MYL5: variants seen among roughly 807,000 people sequenced by gnomAD.
MYL5 encodes myosin regulatory light chain 5.
A neutral mutation model predicts 20.8 loss-of-function variants in MYL5; 28 were observed. That is an observed-to-expected ratio of 1.35 (90% CI 1.00 to 1.84). The LOEUF (loss-of-function observed/expected upper bound fraction) is 1.84, where lower values mean the gene tolerates loss of function less well. Ranked by LOEUF, MYL5 falls within the 40% of genes most tolerant of loss-of-function variation. The pLI is 0.00. For synonymous variants in MYL5, 118 were observed against 87.4 expected (o/e 1.35, Z -1.95); for missense variants, 274 against 227.3 (o/e 1.21, Z -1.32).
At chr4:681,597 GCCGCC>G (rs1252447237) in intron 6 of MYL5, among the ~76,000 whole-genome samples, 2 of 109,258 alleles carry the variant, frequency 1.8e-5, no homozygotes, top group African/African-American at 7.1e-5. Context: ...TGCAGCCGCC[GCCGCC>G]CCGCCCCCTC....
chr4:680,729 C>G, intron 5 of MYL5, 142 bp downstream of exon 7: 1 of 849,088 alleles, frequency 1.2e-6, no homozygotes, highest in Non-Finnish European at 1.8e-6. Context: ...GGAGCGAACC[C>G]AGGATCCCAG....
chr4:678,389 G>T (rs570902142), intron 1 of MYL5: 3 of 1,413,704 alleles, frequency 2.1e-6, no homozygotes, highest in African/African-American at 2.9e-5. Flanking sequence ...CTGCTGGACG[G>T]CGATCCCTGA....
In MYL5 at chr4:681,149, C is replaced by G; in HGVS notation, c.420+9C>G. The G allele has an allele frequency of 6.2e-7, 1 of 1,602,130 alleles. No homozygotes were observed. On this transcript the variant is annotated intron_variant, in intron 6 of 6. Transcript: ENST00000400159. ...AGATGACGGCGGAAGAGGTCTGGCC[C>G]GCGGCTTCCCTGCCAAGCCCACGAG... is the stretch of plus-strand genomic sequence containing the variant.
In MYL5 at chr4:679,542, AGG is replaced by A. The variant is rs1462043217; in HGVS notation, c.188-370_188-369del. On this transcript the variant is annotated intron_variant, in intron 3 of 6. Coordinates refer to ENST00000400159, the Ensembl canonical transcript of MYL5. ...GCAGCTGCCTCTGACCTGAGGCAGG[AGG>A]GCAGGGGGCTTCGGTCCTGCCCTGG... 2.0e-5 allele frequency among the ~76,000 whole-genome samples: 3 copies of A among 152,106 alleles called. No homozygotes were observed. The East Asian group carries it at 5.8e-4, about 29-fold the overall frequency.
rs1739336508 is a variant in MYL5, at chr4:680,395, G to A, written c.293-114G>A. 4 of 1,118,056 alleles carry A rather than the reference G, an allele frequency of 3.6e-6. No homozygotes were observed. The African/African-American group carries it at 6.3e-5, about 18-fold the overall frequency. 69.3% of individuals were successfully genotyped at this position (1,118,056 alleles called of 1,614,324 possible). ...TCAGGCAGAGGCCACCTTGTGGGCAGAGGCTTGGAGTCTCCCCCTGCTTGG... is the reference window on the plus strand; with the variant it reads ...TCAGGCAGAGGCCACCTTGTGGGCAAAGGCTTGGAGTCTCCCCCTGCTTGG... On this transcript the variant is annotated intron_variant, in intron 4 of 6. Coordinates refer to ENST00000400159, the Ensembl canonical transcript of MYL5.
intron 5 of MYL5, 86 bp from the exon 8 acceptor site, chr4:681,006 C>G (rs1419763388): frequency 3.4e-6 from 5 of 1,469,918 alleles, no homozygotes; most frequent in Non-Finnish European, 4.6e-6. Flanking sequence ...CGAGTACAAC[C>G]TGGGGCCCCT....
At chr4:681,651 TCCAGCGCCGCCCCGC>T (rs1560157686) in intron 6 of MYL5, among the ~76,000 whole-genome samples, 354 of 2,730 alleles carry the variant, frequency 0.13, 24 homozygotes, top group Non-Finnish European at 0.14. Flanking sequence ...CCCCGCCCCC[TCCAGCGCCGCCCCGC>T]CCCCTCCAGC....
intron 5 of MYL5, 127 bp downstream of exon 7, chr4:680,714 C>A (rs941083492): frequency 2.1e-6 from 2 of 967,474 alleles, no homozygotes; most frequent in African/African-American, 3.3e-5. Flanking sequence ...GCTTCAGGGC[C>A]ATGAGGAGCG....
intron 1 of MYL5, chr4:678,448 CCT>C (rs1410388750): frequency 1.7e-5 from 24 of 1,428,928 alleles, no homozygotes; most frequent in Non-Finnish European, 1.8e-6. Context: ...TCCCCCAGTC[CCT>C]GTGCTGAAGC....
At chr4:678,366 G>C (rs2109331489) in intron 1 of MYL5, 1 of 1,412,196 alleles carries the variant, frequency 7.1e-7, no homozygotes, top group Non-Finnish European at 9.2e-7. Context: ...GCCTTCAGAG[G>C]CCAAGCTGGC....
At chr4:679,248 C>A in intron 3 of MYL5, 2 of 671,114 alleles carry the variant, frequency 3.0e-6, no homozygotes, top group Non-Finnish European at 5.3e-6. Context: ...GTGGGTGGGA[C>A]AGCCCAAGCC....
chr4:680,428 G>T, intron 4 of MYL5, 81 bp from the exon 7 acceptor site: 1 of 1,413,140 alleles, frequency 7.1e-7, no homozygotes, highest in South Asian at 1.1e-5. Context: ...TGGGGCAGGG[G>T]TCTCCCCTCC....
At chr4:680,073 A>T (rs1739298227) in intron 4 of MYL5, 55 bp downstream of exon 6, 10 of 1,403,352 alleles carry the variant, frequency 7.1e-6, no homozygotes, top group Non-Finnish European at 3.9e-6. Context: ...ACAGTTAGAG[A>T]TCCGGACATT....
At chr4:675,440 C>T (rs1292355676), upstream of MYL5, 5 of 152,562 alleles carry the variant, frequency 3.3e-5, no homozygotes, top group Non-Finnish European at 4.4e-5. Context: ...AACTATGGCT[C>T]GGGTCTCGCT....
chr4:678,050 G>A (rs1288532336), intron 1 of MYL5, 21 bp downstream of exon 3: 1 of 1,612,958 alleles, frequency 6.2e-7, no homozygotes, highest in Non-Finnish European at 8.5e-7. Context: ...CGCCGTGCAT[G>A]CCTGGGGCAG....
chr4:677,985 C>A lies in MYL5; in HGVS notation c.-42C>A. Reference sequence around the variant, plus strand: ...AGCAGGAGCTTAAGATGGGCAAGACCTGGGGCCCTGGGCAGACGCATCAAA... The same window carrying A: ...AGCAGGAGCTTAAGATGGGCAAGACATGGGGCCCTGGGCAGACGCATCAAA... On this transcript the variant is annotated 5_prime_UTR_variant, in exon 1 of 7. It adds an upstream start codon to the 5' untranslated region. Transcript: ENST00000400159. 1 of 1,613,292 alleles carries A rather than the reference C, an allele frequency of 6.2e-7. No homozygotes were observed. The highest frequency in any genetic ancestry group is 1.1e-5 in the South Asian group (1 of 91,084).
intron 1 of MYL5, 195 bp downstream of exon 3, chr4:678,224 T>G (rs1159760157): frequency 1.3e-6 from 2 of 1,496,398 alleles, no homozygotes; most frequent in Non-Finnish European, 1.8e-6. Flanking sequence ...GTGTGGGCTG[T>G]GCTGTGTTGT....
intron 6 of MYL5, among the ~76,000 whole-genome samples, chr4:681,484 T>G (rs1436566189): frequency 1.0e-5 from 1 of 97,962 alleles, no homozygotes. Flanking sequence ...GCGAGACTAA[T>G]GCCGGGCCAC....
intron 6 of MYL5, 105 bp downstream of exon 8, chr4:681,245 G>C (rs557968992): frequency 7.2e-7 from 1 of 1,385,294 alleles, no homozygotes; most frequent in African/African-American, 1.4e-5. Context: ...GCCGCGGTTA[G>C]GACCCAGGAC....
Sources: allele counts gnomAD v4.1 joint callset (sites outside exome capture counted in the v4.1 genomes callset), GRCh38; gene constraint gnomAD v4.1.1; transcripts MANE v1.5; gene names NCBI Gene and HGNC (gene_info 2026-07-23, HGNC 2026-07-21).